The following PPP1R7 variants were observed in gnomAD, a reference collection of about 807,000 sequenced individuals.
PPP1R7 encodes the protein protein phosphatase 1 regulatory subunit 7.
Under a neutral mutation model 45.2 loss-of-function variants are expected in PPP1R7, and 18 were observed. That is an observed-to-expected ratio of 0.40 (90% CI 0.28 to 0.59). The LOEUF (loss-of-function observed/expected upper bound fraction) is 0.59. Ranked by LOEUF, PPP1R7 falls within the 20% of genes least tolerant of loss-of-function variation. PPP1R7 has a pLI of 0.46. For missense variants in PPP1R7, 314 were observed against 455.8 expected (o/e 0.69, Z 2.83); for synonymous variants, 181 against 183.4 (o/e 0.99, Z 0.11).
intron 4 of PPP1R7, 109 bp downstream of exon 4, chr2:241,158,658 G>C: frequency 5.4e-6 from 6 of 1,106,406 alleles, no homozygotes; most frequent in Non-Finnish European, 6.7e-6. Flanking sequence ...GCCTGTGGGC[G>C]GCGTGGCTGC....
At chr2:241,167,206 GC>G in intron 8 of PPP1R7, 1 of 827,622 alleles carries the variant, frequency 1.2e-6, no homozygotes, top group Non-Finnish European at 1.8e-6. Context: ...TTGTTAAATT[GC>G]CAGCAAATAC....
At chr2:241,162,513 A>C (rs555132616) in intron 6 of PPP1R7, among the ~76,000 whole-genome samples, 1 of 152,134 alleles carries the variant, frequency 6.6e-6, no homozygotes, top group African/African-American at 2.4e-5. Flanking sequence ...AGAGGAGCAC[A>C]CGATCACAGC....
chr2:241,155,164 A>G (rs2067423338), intron 2 of PPP1R7: 1 of 152,186 alleles, frequency 6.6e-6, no homozygotes, highest in Admixed American at 6.5e-5. Context: ...CTGCTGAGAC[A>G]TTGGGTGTTT....
intron 2 of PPP1R7, among the ~76,000 whole-genome samples, chr2:241,154,090 G>T (rs954199796): frequency 1.6e-4 from 22 of 139,342 alleles, no homozygotes; most frequent in Non-Finnish European, 3.2e-4. Flanking sequence ...TGAGGCAGGA[G>T]AACCGCTTGA....
At chr2:241,180,000 C>T (rs1027677911) in intron 9 of PPP1R7, among the ~76,000 whole-genome samples, 1 of 152,150 alleles carries the variant, frequency 6.6e-6, no homozygotes. Flanking sequence ...AAAGATGGTC[C>T]GCCCATCTAG....
intron 2 of PPP1R7, among the ~76,000 whole-genome samples, chr2:241,154,152 C>G (rs116635880): frequency 0.013 from 1,787 of 132,424 alleles, 12 homozygotes; most frequent in Middle Eastern, 0.022. Context: ...TGCACTCCAG[C>G]CTAGGTGACA....
chr2:241,156,942 ACGTGCCTGTGTGTCTTTGTGCATG>A (rs1268485586), intron 2 of PPP1R7, among the ~76,000 whole-genome samples: 3 of 152,088 alleles, frequency 2.0e-5, no homozygotes, highest in Non-Finnish European at 2.9e-5. Context: ...TAGTGTGCAT[ACGTGCCTGTGTGTCTTTGTGCATG>A]CGTGTGTGTG....
At chr2:241,176,550 C>T (rs1275075814) in intron 9 of PPP1R7, among the ~76,000 whole-genome samples, 6 of 151,722 alleles carry the variant, frequency 4.0e-5, no homozygotes, top group East Asian at 1.9e-4. Context: ...CTCCACCTCC[C>T]GGGTTCAAGT....
At chr2:241,180,417 AAATC>A in intron 9 of PPP1R7, among the ~76,000 whole-genome samples, 1 of 146,744 alleles carries the variant, frequency 6.8e-6, no homozygotes, top group African/African-American at 2.6e-5. Flanking sequence ...AAAAGTGAAA[AAATC>A]GCAAAAAAAT....
rs2068046006 is a variant in PPP1R7 at position 241,183,527 on chromosome 2, G to C, written c.*704G>C. Reference sequence around the variant, plus strand: ...GTGCTGTGCTGCTGCCAGAATACGAGTCCCATTGAGCCTCTCCAAAGACGG... The same window carrying C: ...GTGCTGTGCTGCTGCCAGAATACGACTCCCATTGAGCCTCTCCAAAGACGG... On this transcript the variant is annotated 3_prime_UTR_variant, in exon 10 of 10. Coordinates refer to ENST00000234038, the MANE Select transcript of PPP1R7 (RefSeq NM_002712.3). 3 of 460,076 alleles carry C rather than the reference G, an allele frequency of 6.5e-6. No individual in the cohort carries two copies. The highest frequency in any genetic ancestry group is 2.5e-5 in the Admixed American group (1 of 39,998). The allele number at this position is 460,076 out of a possible 1,614,324, so 28.5% of individuals were successfully genotyped here.
At position 241,153,564 on chromosome 2, in the gene PPP1R7, C is replaced by T; in HGVS notation, c.141C>T (p.Ser47=). ...SGIVADLSEQ[S]LKDGEERGEE... ...TCGTGGCCGACCTCAGTGAACAGAGCCTGAAGGATGGGGAGGAGCGGGGGG... is the reference window on the plus strand; with the variant it reads ...TCGTGGCCGACCTCAGTGAACAGAGTCTGAAGGATGGGGAGGAGCGGGGGG... Residue 47 remains serine (S), a synonymous_variant, in exon 2 of 10, where the codon AGC becomes AGT. Coordinates refer to ENST00000234038, the MANE Select transcript of PPP1R7 (RefSeq NM_002712.3). 6.2e-7 allele frequency: 1 copy of T among 1,614,074 alleles called. No homozygotes were observed. Among genetic ancestry groups the T allele is most frequent in the Non-Finnish European group, 8.5e-7 (1 of 1,180,012 alleles).
chr2:241,152,727 G>A (rs1056061409), intron 1 of PPP1R7, among the ~76,000 whole-genome samples: 2 of 152,172 alleles, frequency 1.3e-5, no homozygotes, highest in African/African-American at 4.8e-5. Context: ...ATGTTTTCCA[G>A]ACAGACTTCC....
At chr2:241,173,350 C>T (rs1297359355) in intron 9 of PPP1R7, among the ~76,000 whole-genome samples, 2 of 151,500 alleles carry the variant, frequency 1.3e-5, no homozygotes, top group Non-Finnish European at 2.9e-5. Flanking sequence ...CTCAGACAGT[C>T]CTCCTGCCTC....
At chr2:241,153,142 A>AGGTG (rs1250176723) in intron 1 of PPP1R7, among the ~76,000 whole-genome samples, 1 of 152,210 alleles carries the variant, frequency 6.6e-6, no homozygotes, top group African/African-American at 2.4e-5. Context: ...GGCACTCAGG[A>AGGTG]GGTGCTTCAC....
chr2:241,181,512 G>T (rs188854505), intron 9 of PPP1R7, among the ~76,000 whole-genome samples: 32 of 152,202 alleles, frequency 2.1e-4, no homozygotes, highest in Non-Finnish European at 5.9e-5. Flanking sequence ...AAGAGGCAGA[G>T]ATCAACATCT....
rs550558406 is a variant in PPP1R7, at chr2:241,176,781, A to G, written c.907-5866A>G. ...TGGCCATATCTCATTAACTTTTAAA[A>G]TCTACTAAAACAGTGAGATACAGTG... On this transcript the variant is annotated intron_variant, in intron 9 of 9. Coordinates refer to ENST00000234038, the MANE Select transcript of PPP1R7 (RefSeq NM_002712.3). 3.3e-5 allele frequency among the ~76,000 whole-genome samples: 5 copies of G among 152,312 alleles called. No homozygotes were observed. The South Asian group carries it at 6.2e-4, about 19-fold the overall frequency.
chr2:241,167,000 C>T lies in PPP1R7; in HGVS notation c.819+559C>T, dbSNP rs761397047. The T allele has an allele frequency of 3.8e-6, 6 of 1,577,200 alleles. No homozygotes were observed. The Admixed American group carries it at 1.0e-4, about 26-fold the overall frequency. On this transcript the variant is annotated intron_variant, in intron 8 of 9. Transcript: ENST00000234038. ...CCTGCCTGCTTTCCACACCTGTCCT[C>T]ACCTGTTCATGCTCCTCCCTCCCTC... is the stretch of plus-strand genomic sequence containing the variant.
chr2:241,165,750 C>T (rs1266232233), intron 7 of PPP1R7, among the ~76,000 whole-genome samples: 2 of 151,838 alleles, frequency 1.3e-5, no homozygotes, highest in African/African-American at 4.8e-5. Context: ...CCCGCCACCA[C>T]GCCCGGCTAA....
chr2:241,157,843 A>G lies in PPP1R7; in HGVS notation c.218A>G (p.Asn73Ser), dbSNP rs145205020. ...HELPVDMETI[N>S]LDRDAEDVDL... The stretch of plus-strand genomic sequence containing the variant: ...CTGCCTGTGGACATGGAAACCATCA[A>G]CCTGGACAGAGATGCAGAGGTAATG... The change falls in exon 3 of 10, where the codon AAC (asparagine) becomes AGC (serine). Residue 73 changes from asparagine (N) to serine (S), a missense_variant. Asn to Ser is a conservative substitution (Grantham distance 46). Coordinates refer to ENST00000234038, the MANE Select transcript of PPP1R7 (RefSeq NM_002712.3). 1.1e-5 allele frequency: 18 copies of G among 1,613,930 alleles called. No homozygotes were observed. In the African/African-American group the frequency reaches 1.6e-4, roughly 14 times the overall value.
Sources: gnomAD v4.1 joint callset for allele counts (sites outside exome capture counted in the v4.1 genomes callset) on GRCh38, gnomAD v4.1.1 for gene constraint, MANE v1.5 for transcripts, NCBI Gene and HGNC (gene_info 2026-07-23, HGNC 2026-07-21) for gene names.